The following BRINP1 variants were observed in gnomAD, a reference collection of about 807,000 sequenced individuals.
BRINP1 encodes the protein BMP/retinoic acid inducible neural specific 1.
BRINP1 carries 17 observed loss-of-function variants against 72.9 expected under a neutral mutation model. The observed-to-expected ratio is 0.23, with a 90% CI of 0.16 to 0.35. The LOEUF (loss-of-function observed/expected upper bound fraction) is 0.35. BRINP1 is among the 10% of genes least tolerant of loss of function. BRINP1 has a pLI of 1.00. For missense variants in BRINP1, 850 were observed against 1,001.6 expected (o/e 0.85, Z 2.04); for synonymous variants, 418 against 378.5 (o/e 1.10, Z -1.21).
chr9:119,202,382 G>A (rs1829813713), intron 7 of BRINP1, among the ~76,000 whole-genome samples: 2 of 152,000 alleles, frequency 1.3e-5, no homozygotes, highest in Admixed American at 1.3e-4. Context: ...CAATTGCATA[G>A]CCCCCTTTCT....
chr9:119,176,071 A>T (rs902620341), intron 7 of BRINP1, among the ~76,000 whole-genome samples: 3 of 152,224 alleles, frequency 2.0e-5, no homozygotes, highest in African/African-American at 4.8e-5. Context: ...CAAACTTGGT[A>T]CTTATTAAGA....
chr9:119,326,232 A>G (rs1203695926), intron 1 of BRINP1, among the ~76,000 whole-genome samples: 1 of 152,200 alleles, frequency 6.6e-6, no homozygotes, highest in East Asian at 1.9e-4. Flanking sequence ...ACCTAAACCA[A>G]TTCTAAGTGC....
intron 2 of BRINP1, among the ~76,000 whole-genome samples, chr9:119,304,562 T>C (rs1830975217): frequency 2.0e-5 from 3 of 152,190 alleles, no homozygotes; most frequent in Admixed American, 1.3e-4. Flanking sequence ...ATAAAGAAAT[T>C]GCCCAGAGGC....
At chr9:119,345,893 T>C (rs549020666) in intron 1 of BRINP1, among the ~76,000 whole-genome samples, 40 of 152,166 alleles carry the variant, frequency 2.6e-4, no homozygotes, top group Non-Finnish European at 5.0e-4. Context: ...TTTTGTTTTT[T>C]TAATCACACC....
intron 1 of BRINP1, among the ~76,000 whole-genome samples, chr9:119,359,333 C>A (rs1831605550): frequency 6.6e-6 from 1 of 152,148 alleles, no homozygotes; most frequent in African/African-American, 2.4e-5. Flanking sequence ...GTAGCCAGGA[C>A]TACAGGCATA....
chr9:119,251,919 C>A (rs1244486083), intron 2 of BRINP1, among the ~76,000 whole-genome samples: 2 of 152,016 alleles, frequency 1.3e-5, no homozygotes, highest in Admixed American at 6.6e-5. Flanking sequence ...TTACAAAATT[C>A]TTCGATGTCT....
At chr9:119,173,429 T>C (rs1437552461) in intron 7 of BRINP1, among the ~76,000 whole-genome samples, 8 of 150,910 alleles carry the variant, frequency 5.3e-5, no homozygotes, top group South Asian at 2.1e-4. Context: ...TTACAAGGGA[T>C]GTGAAGGACC....
chr9:119,245,210 CACAT>C (rs67978873), intron 3 of BRINP1, among the ~76,000 whole-genome samples: 55,375 of 151,644 alleles, frequency 0.37, 12,096 homozygotes, highest in East Asian at 0.64. Flanking sequence ...CACACACACA[CACAT>C]ATACATGTTG....
chr9:119,184,425 T>C (rs1187177332), intron 7 of BRINP1, among the ~76,000 whole-genome samples: 1 of 152,200 alleles, frequency 6.6e-6, no homozygotes, highest in African/African-American at 2.4e-5. Flanking sequence ...GCCACATAGT[T>C]AGAAGGACAC....
At chr9:119,324,530 C>T (rs1007325972) in intron 1 of BRINP1, among the ~76,000 whole-genome samples, 1 of 152,100 alleles carries the variant, frequency 6.6e-6, no homozygotes, top group Non-Finnish European at 1.5e-5. Context: ...TGGTGAAGGG[C>T]CAGCCACCCT....
At chr9:119,248,409 T>A (rs887457411) in intron 3 of BRINP1, among the ~76,000 whole-genome samples, 1 of 152,198 alleles carries the variant, frequency 6.6e-6, no homozygotes, top group South Asian at 2.1e-4. Context: ...TCCTCTCCTT[T>A]ATCCAGCCCT....
At chr9:119,346,825 A>C (rs755802988) in intron 1 of BRINP1, among the ~76,000 whole-genome samples, 1 of 152,328 alleles carries the variant, frequency 6.6e-6, no homozygotes, top group Non-Finnish European at 1.5e-5. Flanking sequence ...GGAATAAAGT[A>C]AAGGCTTTGG....
chr9:119,312,056 C>A (rs1831074191), intron 2 of BRINP1, among the ~76,000 whole-genome samples: 3 of 152,284 alleles, frequency 2.0e-5, no homozygotes, highest in East Asian at 1.9e-4. Context: ...GATAAGTGCT[C>A]ACTAAAAGGA....
At chr9:119,318,841 T>TGTGGGG (rs1554754941) in intron 1 of BRINP1, among the ~76,000 whole-genome samples, 10 of 114,720 alleles carry the variant, frequency 8.7e-5, no homozygotes, top group African/African-American at 3.4e-4. Context: ...GAGAAATGTG[T>TGTGGGG]GGGGTGTGTG....
chr9:119,169,603 G>A (rs1249102811), intron 7 of BRINP1, among the ~76,000 whole-genome samples: 2 of 152,250 alleles, frequency 1.3e-5, no homozygotes, highest in African/African-American at 4.8e-5. Context: ...AAGCAGCCGG[G>A]AAGCTCGAAC....
chr9:119,266,951 G>A (rs1830554494), intron 2 of BRINP1, among the ~76,000 whole-genome samples: 1 of 152,198 alleles, frequency 6.6e-6, no homozygotes, highest in African/African-American at 2.4e-5. Flanking sequence ...GATCACTCCG[G>A]CTGCTGTGTA....
Position 119,368,680 on chromosome 9 carries a change from CCT to C in BRINP1, c.-51+374_-51+375del, listed in dbSNP as rs1273790317. On this transcript the variant is annotated intron_variant, in intron 1 of 7. Transcript: ENST00000265922. This position sits in a 1 kb window ranked among gnomAD's most constrained non-coding sequence, Gnocchi z 4.7. Reference sequence around the variant, plus strand: ...ATCGCGCCGTAAGTAGGTTATAGGACCTCTCTCTCTTCACCCCTCCCTTACAC... The same window carrying C: ...ATCGCGCCGTAAGTAGGTTATAGGACCTCTCTCTTCACCCCTCCCTTACAC... Among the ~76,000 whole-genome samples the C allele has an allele frequency of 6.6e-6, 1 of 151,930 alleles. No homozygotes were observed. The highest frequency in any genetic ancestry group is 1.5e-5 in the Non-Finnish European group (1 of 67,982).
In BRINP1 at chr9:119,227,420, C is replaced by T. The variant is rs574896572; in HGVS notation, c.685+11235G>A. ...CTTGAGAAGAATCCTTCTCCTCTGG[C>T]GAGCATAGAACAAGGTGCTCCTATG... is the stretch of plus-strand genomic sequence containing the variant. On this transcript the variant is annotated intron_variant, in intron 5 of 7. Coordinates refer to ENST00000265922, the MANE Select transcript of BRINP1 (RefSeq NM_014618.3). 3.2e-4 allele frequency among the ~76,000 whole-genome samples: 49 copies of T among 152,122 alleles called. No individual in the cohort carries two copies. The South Asian group carries it at 8.1e-3, about 25-fold the overall frequency.
At chr9:119,330,846 T>C (rs1304109013) in intron 1 of BRINP1, among the ~76,000 whole-genome samples, 1 of 151,950 alleles carries the variant, frequency 6.6e-6, no homozygotes, top group East Asian at 1.9e-4. Context: ...ACCAGCATAG[T>C]GAAACCCCAT....
Sources: allele counts gnomAD v4.1 joint callset (sites outside exome capture counted in the v4.1 genomes callset), GRCh38; gene constraint gnomAD v4.1.1; non-coding constraint Gnocchi (gnomAD v3.1); transcripts MANE v1.5; gene names NCBI Gene and HGNC (gene_info 2026-07-23, HGNC 2026-07-21).